RANBP2: variants seen among roughly 807,000 people sequenced by gnomAD.
RANBP2 encodes the protein RAN binding protein 2.
RANBP2 carries 57 observed loss-of-function variants against 303.6 expected under a neutral mutation model. That is an observed-to-expected ratio of 0.19 (90% CI 0.15 to 0.23). The LOEUF (loss-of-function observed/expected upper bound fraction) is 0.23, where lower values mean the gene tolerates loss of function less well. Ranked by LOEUF, RANBP2 falls within the 10% of genes least tolerant of loss-of-function variation. The pLI is 1.00. For synonymous variants in RANBP2, 1,167 were observed against 1,301.5 expected (o/e 0.90, Z 2.23); for missense variants, 3,138 against 3,780.8 (o/e 0.83, Z 4.46).
the RANBP2 span, among the ~76,000 whole-genome samples, chr2:109,206,636 C>G: frequency 2.6e-5 from 4 of 151,974 alleles, no homozygotes; most frequent in Admixed American, 2.0e-4. Flanking sequence ...AAGTAAGACC[C>G]TGTCTCTACA....
At chr2:109,205,736 G>A in the RANBP2 span, among the ~76,000 whole-genome samples, 2 of 152,206 alleles carry the variant, frequency 1.3e-5, no homozygotes, top group Non-Finnish European at 2.9e-5. Context: ...TTGCTCACTG[G>A]CAGGAAGGCA....
chr2:109,582,448 T>C, the RANBP2 span, among the ~76,000 whole-genome samples: 16 of 151,994 alleles, frequency 1.1e-4, no homozygotes, highest in African/African-American at 3.9e-4. Flanking sequence ...GCCTCCCGAG[T>C]AGCTGGCAGT....
chr2:108,972,215 C>T, the RANBP2 span, among the ~76,000 whole-genome samples: 1 of 152,266 alleles, frequency 6.6e-6, no homozygotes, highest in African/African-American at 2.4e-5. Flanking sequence ...GCACAGATGA[C>T]TAATACGCCT....
At chr2:108,872,965 A>G in the RANBP2 span, among the ~76,000 whole-genome samples, 3 of 152,172 alleles carry the variant, frequency 2.0e-5, no homozygotes, top group Non-Finnish European at 4.4e-5. Context: ...TTTTAAATGA[A>G]TCTTTTCCCT....
At chr2:109,306,202 C>G in the RANBP2 span, among the ~76,000 whole-genome samples, 5 of 152,228 alleles carry the variant, frequency 3.3e-5, no homozygotes, top group African/African-American at 1.2e-4. Context: ...GACCGTCTTT[C>G]AGAAGAGATG....
At chr2:109,254,450 C>G in the RANBP2 span, among the ~76,000 whole-genome samples, 1 of 152,144 alleles carries the variant, frequency 6.6e-6, no homozygotes, top group East Asian at 1.9e-4. Context: ...CTGTAAAGTA[C>G]TTAGAATAGG....
At chr2:109,460,443 G>A in the RANBP2 span, among the ~76,000 whole-genome samples, 6 of 152,262 alleles carry the variant, frequency 3.9e-5, no homozygotes, top group Admixed American at 1.3e-4. Flanking sequence ...TAGCCAGGTT[G>A]GCCATGGTGA....
At chr2:109,323,953 C>T in the RANBP2 span, among the ~76,000 whole-genome samples, 1 of 152,206 alleles carries the variant, frequency 6.6e-6, no homozygotes, top group Admixed American at 6.5e-5. Flanking sequence ...CCATACCTAT[C>T]AGTAGTCACT....
At chr2:109,465,554 A>T in the RANBP2 span, among the ~76,000 whole-genome samples, 1 of 152,232 alleles carries the variant, frequency 6.6e-6, no homozygotes, top group Non-Finnish European at 1.5e-5. Context: ...CATTGTTATT[A>T]TACTTTGCAG....
chr2:109,615,571 T>C, the RANBP2 span: 3 of 1,613,760 alleles, frequency 1.9e-6, no homozygotes, highest in Non-Finnish European at 1.7e-6. Flanking sequence ...AAGCTGCTGG[T>C]GGGGGCCTAC....
chr2:109,574,716 T>C, the RANBP2 span: 1 of 1,605,666 alleles, frequency 6.2e-7, no homozygotes, highest in Non-Finnish European at 8.5e-7. Context: ...TCAGTTCTTC[T>C]TGGAGATAGG....
At chr2:109,196,003 G>C in the RANBP2 span, among the ~76,000 whole-genome samples, 1 of 152,220 alleles carries the variant, frequency 6.6e-6, no homozygotes, top group Non-Finnish European at 1.5e-5. Context: ...CCCATTTGCA[G>C]TAGCAAATCT....
the RANBP2 span, among the ~76,000 whole-genome samples, chr2:109,375,525 G>A: frequency 1.9e-3 from 282 of 152,296 alleles, 1 homozygote; most frequent in South Asian, 3.9e-3. Context: ...ACACTCCACC[G>A]GGCCTTCCTT....
the RANBP2 span, among the ~76,000 whole-genome samples, chr2:109,566,353 T>C: frequency 3.9e-5 from 6 of 152,162 alleles, 1 homozygote; most frequent in African/African-American, 1.4e-4. Context: ...ACTCCTGACC[T>C]CAGGTGATCC....
At chr2:109,388,966 G>A in the RANBP2 span, among the ~76,000 whole-genome samples, 2 of 152,164 alleles carry the variant, frequency 1.3e-5, no homozygotes, top group Non-Finnish European at 2.9e-5. Context: ...CAGCCACCAC[G>A]ATAGTCTGGC....
At chr2:109,451,806 C>T in the RANBP2 span, among the ~76,000 whole-genome samples, 1 of 152,262 alleles carries the variant, frequency 6.6e-6, no homozygotes, top group Non-Finnish European at 1.5e-5. Flanking sequence ...GGCTCAGCCT[C>T]CTCCTCCCCT....
the RANBP2 span, among the ~76,000 whole-genome samples, chr2:109,680,018 G>A: frequency 2.6e-5 from 4 of 151,766 alleles, no homozygotes; most frequent in African/African-American, 9.7e-5. Flanking sequence ...GTTTAAAGCT[G>A]GGTAACCTAG....
chr2:108,729,405 T>A (rs1010911116), intron 2 of RANBP2, among the ~76,000 whole-genome samples: 1 of 152,268 alleles, frequency 6.6e-6, no homozygotes, highest in Non-Finnish European at 1.5e-5. Flanking sequence ...ATGCTGCTGC[T>A]TTATACCAAG....
the RANBP2 span, among the ~76,000 whole-genome samples, chr2:109,399,161 G>A: frequency 1.8e-4 from 28 of 152,214 alleles, no homozygotes; most frequent in Non-Finnish European, 3.7e-4. Context: ...AGATGGCCTC[G>A]TGGTGTGTGA....
Sources: allele counts gnomAD v4.1 joint callset (sites outside exome capture counted in the v4.1 genomes callset), GRCh38; gene constraint gnomAD v4.1.1; transcripts MANE v1.5; gene names NCBI Gene and HGNC (gene_info 2026-07-23, HGNC 2026-07-21).